The following PPP1CC variants were observed in gnomAD, a reference collection of about 807,000 sequenced individuals.
PPP1CC encodes the protein protein phosphatase 1 catalytic subunit gamma.
In PPP1CC, 16 loss-of-function variants were observed where a neutral mutation model predicts 38.4. The ratio of observed to expected loss-of-function variants is 0.42; its 90% CI spans 0.28 to 0.63. The LOEUF is 0.63. PPP1CC is among the 30% of genes least tolerant of loss of function. PPP1CC has a pLI of 0.25. For synonymous variants in PPP1CC, 158 were observed against 136.0 expected (o/e 1.16, Z -1.13); for missense variants, 170 against 391.3 (o/e 0.43, Z 4.77).
intron 4 of PPP1CC, 39 bp downstream of exon 4, chr12:110,724,621 G>A (rs1292578643): frequency 8.4e-7 from 1 of 1,188,668 alleles, no homozygotes; most frequent in Admixed American, 1.7e-5. Context: ...CCTTTGGAAG[G>A]GATCAAAACC....
At chr12:110,724,798 A>G (rs371335682) in intron 3 of PPP1CC, 34 bp from the exon 4 acceptor site, 138 of 1,307,604 alleles carry the variant, frequency 1.1e-4, no homozygotes, top group Non-Finnish European at 1.5e-4. Context: ...CATTAAAAAG[A>G]GAGTATTACT....
At chr12:110,737,101 A>C (rs1192484122) in intron 1 of PPP1CC, among the ~76,000 whole-genome samples, 1 of 152,236 alleles carries the variant, frequency 6.6e-6, no homozygotes, top group Non-Finnish European at 1.5e-5. Flanking sequence ...AAAACAAAAA[A>C]CAGTAAATAC....
chr12:110,738,827 T>C (rs77746180), intron 1 of PPP1CC, among the ~76,000 whole-genome samples: 2,036 of 152,228 alleles, frequency 0.013, 21 homozygotes, highest in South Asian at 0.025. Context: ...TGCTGTGGTT[T>C]AAAAAAGGAC....
intron 3 of PPP1CC, among the ~76,000 whole-genome samples, chr12:110,727,763 T>C (rs1169951091): frequency 2.0e-5 from 3 of 152,186 alleles, no homozygotes; most frequent in Admixed American, 6.5e-5. Context: ...ATATTAAATG[T>C]CTGCAAGCCT....
At chr12:110,713,412 C>T in the PPP1CC span, among the ~76,000 whole-genome samples, 12 of 152,212 alleles carry the variant, frequency 7.9e-5, 1 homozygote, top group Middle Eastern at 3.4e-3. Flanking sequence ...GGATTACAGG[C>T]GTGAGCCACC....
intron 1 of PPP1CC, among the ~76,000 whole-genome samples, chr12:110,738,141 G>A (rs2069969562): frequency 1.3e-5 from 2 of 152,168 alleles, no homozygotes; most frequent in South Asian, 2.1e-4. Context: ...TACTGTCGGT[G>A]ATGACCACTA....
At chr12:110,714,928 T>A (rs575039030), downstream of PPP1CC, among the ~76,000 whole-genome samples, 144 of 146,210 alleles carry the variant, frequency 9.8e-4, 1 homozygote, top group Middle Eastern at 3.5e-3. Context: ...CAAAGCCCCA[T>A]CAGATGGTAA....
At chr12:110,709,683 C>T in the PPP1CC span, among the ~76,000 whole-genome samples, 1 of 151,804 alleles carries the variant, frequency 6.6e-6, no homozygotes, top group Admixed American at 6.6e-5. Flanking sequence ...CTCAGCCTCC[C>T]CAGTAGCTGG....
At chr12:110,737,393 G>A (rs971820452) in intron 1 of PPP1CC, among the ~76,000 whole-genome samples, 1 of 137,968 alleles carries the variant, frequency 7.2e-6, no homozygotes, top group African/African-American at 2.7e-5. Context: ...TGAGGCAGGA[G>A]AAATCGCTTG....
Position 110,742,652 on chromosome 12 carries a change from C to T in PPP1CC, c.55+1G>A. 6.8e-7 allele frequency: 1 copy of T among 1,463,946 alleles called. No individual in the cohort carries two copies. Among genetic ancestry groups the T allele is most frequent in the Non-Finnish European group, 9.1e-7 (1 of 1,096,828 alleles). The allele number at this position is 1,463,946 out of a possible 1,614,324, so 90.7% of individuals were successfully genotyped here. ...CTTCAGCCGCCCGCCGCCCCCCTTA[C>T]CTTCCAGCAGCCGTTGGATAATGCT... On this transcript the variant is annotated splice_donor_variant, in intron 1 of 6. Coordinates refer to ENST00000335007, the MANE Select transcript of PPP1CC (RefSeq NM_002710.4). LOFTEE classifies it high-confidence loss of function.
chr12:110,712,848 G>C, the PPP1CC span, among the ~76,000 whole-genome samples: 3 of 151,670 alleles, frequency 2.0e-5, no homozygotes, highest in Admixed American at 6.6e-5. Flanking sequence ...AAGGCGGGTG[G>C]AACACCTGAG....
At chr12:110,723,373 T>A (rs530765675) in intron 4 of PPP1CC, among the ~76,000 whole-genome samples, 138 of 152,342 alleles carry the variant, frequency 9.1e-4, no homozygotes, top group African/African-American at 3.3e-3. Context: ...AGCACAGAGA[T>A]AAAAGACATT....
chr12:110,730,049 T>TA (rs2069854246), intron 3 of PPP1CC, among the ~76,000 whole-genome samples: 1 of 152,238 alleles, frequency 6.6e-6, no homozygotes, highest in African/African-American at 2.4e-5. Context: ...GCGGCAGTGT[T>TA]ATTTTTCTAC....
At chr12:110,727,239 C>T (rs909774298) in intron 3 of PPP1CC, among the ~76,000 whole-genome samples, 4 of 152,204 alleles carry the variant, frequency 2.6e-5, no homozygotes, top group African/African-American at 9.7e-5. Flanking sequence ...GCGTGAGCTA[C>T]CACGCCCCGG....
intron 1 of PPP1CC, among the ~76,000 whole-genome samples, chr12:110,738,509 C>T (rs891515286): frequency 1.3e-5 from 2 of 152,220 alleles, no homozygotes; most frequent in African/African-American, 4.8e-5. Flanking sequence ...GGAATCCTCA[C>T]CTAGTCAAGT....
intron 1 of PPP1CC, among the ~76,000 whole-genome samples, chr12:110,737,211 C>T (rs1348275375): frequency 6.6e-6 from 1 of 152,180 alleles, no homozygotes; most frequent in Non-Finnish European, 1.5e-5. Context: ...GATGCGGTGT[C>T]TAACGCCTGT....
chr12:110,715,682 G>A (rs1254024332), downstream of PPP1CC, among the ~76,000 whole-genome samples: 9 of 151,950 alleles, frequency 5.9e-5, no homozygotes, highest in South Asian at 2.1e-4. Context: ...GCAATGGTGC[G>A]ATCTCAGCTC....
chr12:110,734,451 A>C (rs12305489), intron 1 of PPP1CC, among the ~76,000 whole-genome samples: 66,003 of 151,956 alleles, frequency 0.43, 16,040 homozygotes, highest in African/African-American at 0.66. Context: ...TCAAGCAATT[A>C]TCCTGCCTCA....
At chr12:110,741,929 C>A (rs532338064) in intron 1 of PPP1CC, among the ~76,000 whole-genome samples, 1 of 152,258 alleles carries the variant, frequency 6.6e-6, no homozygotes, top group Non-Finnish European at 1.5e-5. Context: ...AATTCATGGA[C>A]GCAAAGTGCT....
Sources: gnomAD v4.1 joint callset for allele counts (sites outside exome capture counted in the v4.1 genomes callset) on GRCh38, gnomAD v4.1.1 for gene constraint, MANE v1.5 for transcripts, NCBI Gene and HGNC (gene_info 2026-07-23, HGNC 2026-07-21) for gene names.